Variants in IGF1R observed in about 807,000 individuals in gnomAD.
IGF1R encodes the protein insulin-like growth factor 1 receptor.
Under a neutral mutation model 144.6 loss-of-function variants are expected in IGF1R, and 44 were observed. That is an observed-to-expected ratio of 0.30 (90% CI 0.24 to 0.39). The LOEUF (loss-of-function observed/expected upper bound fraction) is 0.39. Ranked by LOEUF, IGF1R falls within the 10% of genes least tolerant of loss-of-function variation. The probability of loss-of-function intolerance (pLI) is 1.00; values close to 1 mark genes in which losing one functional copy is unlikely to be tolerated. For missense variants in IGF1R, 1,355 were observed against 1,833.7 expected, an observed-to-expected ratio of 0.74 and a Z score of 4.77; for synonymous variants, 795 against 722.8, an observed-to-expected ratio of 1.10 and a Z score of -1.60.
At chr15:98,655,734 T>TA (rs1408794644) in intron 1 of IGF1R, among the ~76,000 whole-genome samples, 3 of 151,978 alleles carry the variant, frequency 2.0e-5, no homozygotes, top group African/African-American at 4.8e-5. Context: ...TTTCTTTTTT[T>TA]TTTTTGAGAC....
chr15:98,853,912 T>C (rs1483290652), intron 2 of IGF1R, among the ~76,000 whole-genome samples: 1 of 152,176 alleles, frequency 6.6e-6, no homozygotes, highest in Non-Finnish European at 1.5e-5. Context: ...CCTACTTAAA[T>C]CCCAGGAAAA....
chr15:98,927,999 C>A (rs1431725668), intron 13 of IGF1R, among the ~76,000 whole-genome samples: 1 of 152,196 alleles, frequency 6.6e-6, no homozygotes, highest in Non-Finnish European at 1.5e-5. Context: ...TTAGCTCAGT[C>A]AGTGGTCTTG....
chr15:98,875,331 T>G (rs2013003183), intron 2 of IGF1R, among the ~76,000 whole-genome samples: 1 of 138,368 alleles, frequency 7.2e-6, no homozygotes, highest in Non-Finnish European at 1.6e-5. Context: ...AGTTTCTTTC[T>G]TTCTTTTCTT....
intron 2 of IGF1R, among the ~76,000 whole-genome samples, chr15:98,780,925 G>C (rs1247496121): frequency 6.6e-6 from 1 of 152,132 alleles, no homozygotes; most frequent in Non-Finnish European, 1.5e-5. Flanking sequence ...TTACCAGCCT[G>C]GGCAACATGG....
At position 98,963,138 on chromosome 15, in the gene IGF1R, G is replaced by C; in HGVS notation, c.*5696G>C. The C allele has an allele frequency of 4.3e-6, 1 of 230,902 alleles. No individual in the cohort carries two copies. The highest frequency in any genetic ancestry group is 6.1e-5 in the East Asian group (1 of 16,424). 14.3% of individuals were successfully genotyped at this position (230,902 alleles called of 1,614,324 possible). ...AACAGAATAATTTTATAAAATGTTT[G>C]TAGTTTATAATTGCCGAAAATAATT... On this transcript the variant is annotated 3_prime_UTR_variant, in exon 21 of 21. Transcript: ENST00000650285.
chr15:98,849,971 G>C (rs1484386297), intron 2 of IGF1R, among the ~76,000 whole-genome samples: 1 of 152,214 alleles, frequency 6.6e-6, no homozygotes, highest in African/African-American at 2.4e-5. Flanking sequence ...CTATAGAGGA[G>C]AATTTGGCAA....
chr15:98,824,459 C>T lies in IGF1R; in HGVS notation c.641-66866C>T, dbSNP rs74034236. The stretch of plus-strand genomic sequence containing the variant: ...CAGACTTCTTCTTATCTAAATAACT[C>T]GTTTAGGTAAGGTACTCATATGTTC... On this transcript the variant is annotated intron_variant, in intron 2 of 20. Transcript: ENST00000650285. Among the ~76,000 whole-genome samples the T allele has an allele frequency of 4.0e-3, 615 of 152,296 alleles. 2 individuals carry two copies. The highest frequency in any genetic ancestry group is 0.014 in the African/African-American group (573 of 41,560).
At chr15:98,737,803 A>G (rs2054646276) in intron 2 of IGF1R, among the ~76,000 whole-genome samples, 1 of 152,110 alleles carries the variant, frequency 6.6e-6, no homozygotes, top group African/African-American at 2.4e-5. Context: ...GAAGGGGTGG[A>G]AAGTTCTGTC....
chr15:98,772,510 A>ATTATTATTATTCTTG (rs60796484), intron 2 of IGF1R, among the ~76,000 whole-genome samples: 1 of 141,948 alleles, frequency 7.0e-6, no homozygotes, highest in African/African-American at 2.6e-5. Context: ...TATTATTATT[A>ATTATTATTATTCTTG]TTATTTTAAG....
chr15:98,765,308 C>CTTTTTTTTTTTTTTTTTTTTTT (rs139280569), intron 2 of IGF1R, among the ~76,000 whole-genome samples: 1 of 61,814 alleles, frequency 1.6e-5, no homozygotes, highest in African/African-American at 6.7e-5. Flanking sequence ...ATGCCAACAC[C>CTTTTTTTTTTTTTTTTTTTTTT]TTTTTTTTTT....
At chr15:98,932,687 T>C (rs879905420) in intron 15 of IGF1R, among the ~76,000 whole-genome samples, 3 of 152,202 alleles carry the variant, frequency 2.0e-5, no homozygotes, top group Admixed American at 2.0e-4. Context: ...GAGCCTTATC[T>C]CCTGGGTTGT....
intron 2 of IGF1R, among the ~76,000 whole-genome samples, chr15:98,785,362 T>C (rs940910315): frequency 2.6e-5 from 4 of 152,230 alleles, no homozygotes; most frequent in African/African-American, 9.6e-5. Context: ...CACAATTCCC[T>C]CTTCCCTTTG....
At chr15:98,806,064 C>T (rs542433214) in intron 2 of IGF1R, among the ~76,000 whole-genome samples, 35 of 152,184 alleles carry the variant, frequency 2.3e-4, no homozygotes, top group African/African-American at 8.2e-4. Context: ...GCTTTCAGGT[C>T]TGATAACTTG....
intron 20 of IGF1R, among the ~76,000 whole-genome samples, chr15:98,952,503 C>G (rs542475706): frequency 2.0e-5 from 3 of 152,186 alleles, no homozygotes; most frequent in Admixed American, 6.5e-5. Flanking sequence ...TAGGCTAATA[C>G]TAGAACTGGT....
chr15:98,895,421 T>TA (rs558306471), intron 3 of IGF1R, among the ~76,000 whole-genome samples: 20 of 152,186 alleles, frequency 1.3e-4, no homozygotes, highest in Non-Finnish European at 2.8e-4. Context: ...AAAATTTTTT[T>TA]TTTTAAATGG....
chr15:98,861,698 C>T (rs753331745), intron 2 of IGF1R, among the ~76,000 whole-genome samples: 32 of 152,190 alleles, frequency 2.1e-4, no homozygotes, highest in Non-Finnish European at 3.7e-4. Flanking sequence ...GCACCTTAGT[C>T]TCCTTTCTGT....
chr15:98,927,774 G>A (rs1456444018), intron 13 of IGF1R, among the ~76,000 whole-genome samples: 2 of 152,202 alleles, frequency 1.3e-5, no homozygotes, highest in East Asian at 3.8e-4. Context: ...AATAGCTGTA[G>A]TAGTCTTTAA....
chr15:98,866,095 T>A (rs2012428140), intron 2 of IGF1R, among the ~76,000 whole-genome samples: 1 of 152,134 alleles, frequency 6.6e-6, no homozygotes, highest in Non-Finnish European at 1.5e-5. Flanking sequence ...AAAGAAAAAT[T>A]AACATAGGAT....
At chr15:98,945,852 G>A (rs1338035139) in intron 19 of IGF1R, among the ~76,000 whole-genome samples, 1 of 152,160 alleles carries the variant, frequency 6.6e-6, no homozygotes, top group Admixed American at 6.5e-5. Flanking sequence ...GTCCTCAGTG[G>A]CAGGTGATGT....
Sources: gnomAD v4.1 joint callset for allele counts (sites outside exome capture counted in the v4.1 genomes callset) on GRCh38, gnomAD v4.1.1 for gene constraint, MANE v1.5 for transcripts, NCBI Gene and HGNC (gene_info 2026-07-23, HGNC 2026-07-21) for gene names.